The following SPON1 variants were observed in gnomAD, a reference collection of about 807,000 sequenced individuals.
SPON1 encodes the protein spondin 1.
A neutral mutation model predicts 111.7 loss-of-function variants in SPON1; 52 were observed. The observed-to-expected ratio is 0.47, with a 90% CI of 0.37 to 0.59. The LOEUF (loss-of-function observed/expected upper bound fraction) is 0.59, where lower values mean the gene tolerates loss of function less well. Among genes scored for constraint, SPON1 ranks in the 20% least tolerant of loss-of-function variants. SPON1 has a pLI of 0.00. For missense variants in SPON1, 957 were observed against 1,068.5 expected (o/e 0.90, Z 1.46); for synonymous variants, 410 against 395.8 (o/e 1.04, Z -0.43).
intron 5 of SPON1, among the ~76,000 whole-genome samples, chr11:14,087,529 T>C (rs1197193095): frequency 6.6e-6 from 1 of 152,218 alleles, no homozygotes; most frequent in African/African-American, 2.4e-5. Context: ...ATGATTTCTG[T>C]TCTTTTGCAT....
chr11:13,976,578 C>T (rs2133777624), intron 1 of SPON1, among the ~76,000 whole-genome samples: 1 of 152,290 alleles, frequency 6.6e-6, no homozygotes, highest in East Asian at 1.9e-4. Flanking sequence ...CTTTCTAGAA[C>T]CTACAGGAAT....
intron 2 of SPON1, among the ~76,000 whole-genome samples, chr11:14,038,561 C>T (rs1263821861): frequency 6.6e-6 from 1 of 152,092 alleles, no homozygotes; most frequent in Non-Finnish European, 1.5e-5. Context: ...AGAAACCTCA[C>T]CAAAGAAAAT....
chr11:14,194,802 T>C (rs1462679930), intron 6 of SPON1, among the ~76,000 whole-genome samples: 2 of 152,200 alleles, frequency 1.3e-5, no homozygotes, highest in African/African-American at 4.8e-5. Flanking sequence ...TTATTCCAGG[T>C]TAGGAAATAT....
chr11:14,012,030 C>G (rs1228401971), intron 2 of SPON1, among the ~76,000 whole-genome samples: 2 of 152,122 alleles, frequency 1.3e-5, no homozygotes, highest in African/African-American at 4.8e-5. Flanking sequence ...TTAGCAGAGT[C>G]CTGGCAGGTA....
intron 5 of SPON1, among the ~76,000 whole-genome samples, chr11:14,091,845 G>A (rs896690291): frequency 3.3e-5 from 5 of 152,152 alleles, no homozygotes; most frequent in African/African-American, 1.2e-4. Context: ...GGGAGGTGCC[G>A]AGAGCAAGCG....
intron 6 of SPON1, among the ~76,000 whole-genome samples, chr11:14,149,707 T>TA (rs1554929720): frequency 6.6e-6 from 1 of 152,206 alleles, no homozygotes; most frequent in African/African-American, 2.4e-5. Context: ...TACAAATACT[T>TA]ACCATTGCAT....
intron 1 of SPON1, among the ~76,000 whole-genome samples, chr11:13,964,313 C>G (rs1202675463): frequency 1.3e-5 from 2 of 152,218 alleles, no homozygotes; most frequent in Non-Finnish European, 2.9e-5. Flanking sequence ...GAGCGGGTCA[C>G]TGGGGCACCT....
intron 5 of SPON1, among the ~76,000 whole-genome samples, chr11:14,119,365 G>C (rs149559900): frequency 6.6e-6 from 1 of 152,164 alleles, no homozygotes; most frequent in Non-Finnish European, 1.5e-5. Flanking sequence ...TCTGAGAGGT[G>C]TATAGAATGA....
chr11:14,049,380 T>A (rs1159559807), intron 3 of SPON1, among the ~76,000 whole-genome samples: 1 of 152,210 alleles, frequency 6.6e-6, no homozygotes, highest in African/African-American at 2.4e-5. Flanking sequence ...CTGGTCCTCC[T>A]CACGCTGGTA....
chr11:14,021,465 A>G (rs572143470), intron 2 of SPON1, among the ~76,000 whole-genome samples: 1 of 152,180 alleles, frequency 6.6e-6, no homozygotes, highest in African/African-American at 2.4e-5. Context: ...TGAATGCCTC[A>G]GCTTCTGAAA....
chr11:13,973,380 G>A (rs1408567818), intron 1 of SPON1, among the ~76,000 whole-genome samples: 1 of 152,188 alleles, frequency 6.6e-6, no homozygotes, highest in Non-Finnish European at 1.5e-5. Flanking sequence ...AGAGCTTCCT[G>A]CCCTCATCCA....
At chr11:14,156,883 A>G (rs1161160145) in intron 6 of SPON1, among the ~76,000 whole-genome samples, 1 of 152,128 alleles carries the variant, frequency 6.6e-6, no homozygotes, top group Non-Finnish European at 1.5e-5. Flanking sequence ...ATCTCTGAGC[A>G]CTCACTCACT....
At position 14,076,261 on chromosome 11, in the gene SPON1, A is replaced by G. The variant is rs1012110602; in HGVS notation, c.553+843A>G. On this transcript the variant is annotated intron_variant, in intron 4 of 15. Transcript: ENST00000576479. ...AAATGCTCTATATTTATACAGCATAACAATCTCATTTCTATTTAATTTTGC... is the reference window on the plus strand; with the variant it reads ...AAATGCTCTATATTTATACAGCATAGCAATCTCATTTCTATTTAATTTTGC... Among the ~76,000 whole-genome samples the G allele has an allele frequency of 5.3e-5, 8 of 152,366 alleles. No individual in the cohort carries two copies. In the East Asian group the frequency reaches 1.5e-3, roughly 29 times the overall value.
chr11:14,107,061 G>T (rs190486576), intron 5 of SPON1, among the ~76,000 whole-genome samples: 1 of 152,272 alleles, frequency 6.6e-6, no homozygotes, highest in East Asian at 1.9e-4. Flanking sequence ...AATGTACCAG[G>T]TTTTTCCTGC....
intron 2 of SPON1, among the ~76,000 whole-genome samples, chr11:14,029,221 AG>A: frequency 6.6e-6 from 1 of 152,218 alleles, no homozygotes; most frequent in East Asian, 1.9e-4. Context: ...ATTTAGGTGC[AG>A]GCCAGCTGGG....
At chr11:14,223,420 C>T (rs10766176) in intron 6 of SPON1, among the ~76,000 whole-genome samples, 40,518 of 152,024 alleles carry the variant, frequency 0.27, 5,528 homozygotes, top group Admixed American at 0.33. Flanking sequence ...ATTGGGGTAA[C>T]GCTTTAACAC....
At chr11:14,013,042 G>A (rs1055762688) in intron 2 of SPON1, among the ~76,000 whole-genome samples, 1 of 151,996 alleles carries the variant, frequency 6.6e-6, no homozygotes, top group African/African-American at 2.4e-5. Flanking sequence ...TGTTTCTAAC[G>A]GCAACCTCAT....
At chr11:14,126,442 A>G (rs1847460375) in intron 5 of SPON1, among the ~76,000 whole-genome samples, 1 of 152,216 alleles carries the variant, frequency 6.6e-6, no homozygotes, top group Non-Finnish European at 1.5e-5. Flanking sequence ...TACTACACAT[A>G]TACTCAAAAT....
At chr11:14,229,951 C>CGTGTGTGTGTGT (rs55709324) in intron 6 of SPON1, among the ~76,000 whole-genome samples, 70 of 145,068 alleles carry the variant, frequency 4.8e-4, no homozygotes, top group African/African-American at 1.8e-3. Flanking sequence ...TCTGTGTGTC[C>CGTGTGTGTGTGT]GTGTGTGTGT....
Sources: allele counts gnomAD v4.1 joint callset (sites outside exome capture counted in the v4.1 genomes callset), GRCh38; gene constraint gnomAD v4.1.1; transcripts MANE v1.5; gene names NCBI Gene and HGNC (gene_info 2026-07-23, HGNC 2026-07-21).